NBAS: variants seen among roughly 807,000 people sequenced by gnomAD.
NBAS encodes NAG/BC035112 fusion.
Under a neutral mutation model 302.5 loss-of-function variants are expected in NBAS, and 219 were observed. The observed-to-expected ratio is 0.72, with a 90% CI of 0.65 to 0.81. NBAS has a LOEUF of 0.81. NBAS is among the 30% of genes least tolerant of loss of function. The probability of loss-of-function intolerance (pLI) is 0.00; values close to 1 mark genes in which losing one functional copy is unlikely to be tolerated. For missense variants in NBAS, 2,932 were observed against 2,841.6 expected, an observed-to-expected ratio of 1.03 and a Z score of -0.72; for synonymous variants, 1,118 against 1,021.6, an observed-to-expected ratio of 1.09 and a Z score of -1.80.
At chr2:15,083,959 C>T in the NBAS span, among the ~76,000 whole-genome samples, 1 of 151,826 alleles carries the variant, frequency 6.6e-6, no homozygotes, top group Non-Finnish European at 1.5e-5. Context: ...GGTTTGTTTG[C>T]TGGTTAGATC....
chr2:14,896,185 C>G, the NBAS span, among the ~76,000 whole-genome samples: 1 of 151,820 alleles, frequency 6.6e-6, no homozygotes, highest in East Asian at 1.9e-4. Flanking sequence ...GTCCACTGGC[C>G]CAGTTTCCAG....
At chr2:15,293,084 A>G (rs1003885732) in intron 40 of NBAS, among the ~76,000 whole-genome samples, 2 of 152,198 alleles carry the variant, frequency 1.3e-5, no homozygotes, top group African/African-American at 4.8e-5. Flanking sequence ...ATAAACCTCC[A>G]TCAGATTTGT....
chr2:15,034,383 C>T, the NBAS span, among the ~76,000 whole-genome samples: 1 of 152,044 alleles, frequency 6.6e-6, no homozygotes, highest in South Asian at 2.1e-4. Context: ...CTTCCTGCCA[C>T]CATCAACACT....
chr2:15,188,460 C>T (rs1665189819), intron 49 of NBAS, among the ~76,000 whole-genome samples: 1 of 152,132 alleles, frequency 6.6e-6, no homozygotes, highest in Non-Finnish European at 1.5e-5. Flanking sequence ...TAAAGTATCC[C>T]ATCACACATT....
Position 15,489,073 on chromosome 2 carries a change from T to A in NBAS, c.955-51A>T, listed in dbSNP as rs773693338. 6.3e-6 allele frequency: 10 copies of A among 1,598,874 alleles called. No individual in the cohort carries two copies. In the South Asian group the frequency reaches 9.9e-5, roughly 16 times the overall value. On this transcript the variant is annotated intron_variant, in intron 11 of 51. Transcript: ENST00000281513. ...CAAAGGACTTATGGTCAAATGTAAA[T>A]AACTCAGAAGTAAATGACACTCTTT...
chr2:15,328,612 G>A (rs538753908), intron 36 of NBAS, among the ~76,000 whole-genome samples: 5 of 152,190 alleles, frequency 3.3e-5, no homozygotes, highest in East Asian at 1.9e-4. Flanking sequence ...TGAAGCAATC[G>A]ATGTTGTTCA....
At chr2:14,964,538 A>G in the NBAS span, among the ~76,000 whole-genome samples, 1 of 152,208 alleles carries the variant, frequency 6.6e-6, no homozygotes, top group Non-Finnish European at 1.5e-5. Flanking sequence ...ATCAAAATAC[A>G]TGAGGGAAAA....
chr2:15,362,451 T>A lies in NBAS; in HGVS notation c.3817+4129A>T, dbSNP rs555031336. On this transcript the variant is annotated intron_variant, in intron 32 of 51. Coordinates refer to ENST00000281513, the MANE Select transcript of NBAS (RefSeq NM_015909.4). ...TGAGCCCAGGAGTTCAAGATTACAGTGAGATATGATCATCCCACTGCACTT... is the reference window on the plus strand; with the variant it reads ...TGAGCCCAGGAGTTCAAGATTACAGAGAGATATGATCATCCCACTGCACTT... Among the ~76,000 whole-genome samples the A allele has an allele frequency of 5.3e-5, 8 of 152,148 alleles. No individual in the cohort carries two copies. The East Asian group carries it at 1.6e-3, about 30-fold the overall frequency.
the NBAS span, among the ~76,000 whole-genome samples, chr2:14,849,953 C>G: frequency 1.4e-5 from 2 of 138,092 alleles, no homozygotes; most frequent in Non-Finnish European, 3.0e-5. Context: ...AAAGGAACAA[C>G]TGGTACGAGC....
chr2:15,435,949 CAAT>C (rs1232458114), intron 21 of NBAS, among the ~76,000 whole-genome samples: 1 of 152,068 alleles, frequency 6.6e-6, no homozygotes, highest in African/African-American at 2.4e-5. Context: ...AACATATAAG[CAAT>C]AATTTTAACT....
intron 50 of NBAS, chr2:15,180,178 A>G (rs1664753986): frequency 6.6e-6 from 1 of 152,234 alleles, no homozygotes; most frequent in African/African-American, 2.4e-5. Context: ...AGAATGACAC[A>G]AGTAAGCTCG....
chr2:14,816,797 T>C, the NBAS span, among the ~76,000 whole-genome samples: 1 of 152,204 alleles, frequency 6.6e-6, no homozygotes, highest in Non-Finnish European at 1.5e-5. Flanking sequence ...TTATATTTAT[T>C]CCCAGAGATA....
the NBAS span, among the ~76,000 whole-genome samples, chr2:14,836,222 C>G: frequency 6.6e-6 from 1 of 151,894 alleles, no homozygotes; most frequent in African/African-American, 2.4e-5. Context: ...TACTCTCACT[C>G]TATAAATAGC....
chr2:14,821,648 A>G, the NBAS span, among the ~76,000 whole-genome samples: 1 of 152,108 alleles, frequency 6.6e-6, no homozygotes, highest in East Asian at 1.9e-4. Context: ...AGAGAACATT[A>G]CTTGATTAAT....
the NBAS span, among the ~76,000 whole-genome samples, chr2:14,956,632 G>A: frequency 1.3e-5 from 2 of 152,278 alleles, no homozygotes; most frequent in South Asian, 4.2e-4. Context: ...AAGCAAACAC[G>A]TCCTTCTTCA....
intron 2 of NBAS, 102 bp downstream of exon 2, chr2:15,558,478 A>T (rs1299801237): frequency 5.7e-5 from 45 of 795,516 alleles, no homozygotes; most frequent in Non-Finnish European, 8.7e-5. Flanking sequence ...AATTAAACTC[A>T]GATAACACAC....
At chr2:14,849,702 G>A in the NBAS span, among the ~76,000 whole-genome samples, 1 of 141,462 alleles carries the variant, frequency 7.1e-6, no homozygotes, top group African/African-American at 3.1e-5. Context: ...TACCCTCAAA[G>A]GGAAGCCCAT....
At chr2:14,990,505 A>C in the NBAS span, among the ~76,000 whole-genome samples, 1 of 152,224 alleles carries the variant, frequency 6.6e-6, no homozygotes, top group Non-Finnish European at 1.5e-5. Flanking sequence ...ACAGGTTTGC[A>C]TCTCGGTTAA....
the NBAS span, among the ~76,000 whole-genome samples, chr2:15,023,276 T>C: frequency 2.6e-5 from 4 of 152,324 alleles, no homozygotes; most frequent in East Asian, 7.7e-4. Context: ...TTCTATGGTA[T>C]GTGCTCAAAC....
Sources: gnomAD v4.1 joint callset for allele counts (sites outside exome capture counted in the v4.1 genomes callset) on GRCh38, gnomAD v4.1.1 for gene constraint, MANE v1.5 for transcripts, NCBI Gene and HGNC (gene_info 2026-07-23, HGNC 2026-07-21) for gene names.